Variants in GRM7 observed in about 807,000 individuals in gnomAD.
GRM7 encodes the protein glutamate metabotropic receptor 7.
In GRM7, 35 loss-of-function variants were observed where a neutral mutation model predicts 84.5. The ratio of observed to expected loss-of-function variants is 0.41; its 90% CI spans 0.32 to 0.55. The LOEUF (loss-of-function observed/expected upper bound fraction) is 0.55. Among genes scored for constraint, GRM7 ranks in the 20% least tolerant of loss-of-function variants. GRM7 has a pLI of 0.19. For synonymous variants in GRM7, 487 were observed against 455.1 expected (o/e 1.07, Z -0.89); for missense variants, 1,003 against 1,194.6 (o/e 0.84, Z 2.36).
intron 2 of GRM7, among the ~76,000 whole-genome samples, chr3:7,186,268 C>T (rs1230118837): frequency 1.3e-5 from 2 of 152,178 alleles, no homozygotes; most frequent in Non-Finnish European, 2.9e-5. Flanking sequence ...CCTGTATCAA[C>T]ATAAATTAAT....
chr3:7,505,295 C>T (rs1694808867), intron 7 of GRM7, among the ~76,000 whole-genome samples: 1 of 152,240 alleles, frequency 6.6e-6, no homozygotes, highest in African/African-American at 2.4e-5. Context: ...CAGACTGAGT[C>T]CCTTGCCTGC....
intron 8 of GRM7, among the ~76,000 whole-genome samples, chr3:7,611,063 T>C (rs1696825516): frequency 6.6e-6 from 1 of 152,194 alleles, no homozygotes; most frequent in African/African-American, 2.4e-5. Flanking sequence ...CCTTGTGTCT[T>C]ACCTCATGGA....
chr3:7,661,018 T>C (rs886656485), intron 8 of GRM7, among the ~76,000 whole-genome samples: 2 of 152,220 alleles, frequency 1.3e-5, no homozygotes, highest in Admixed American at 6.5e-5. Context: ...ACTTCCAGAA[T>C]AGAAGAAAAT....
At chr3:6,903,915 C>T (rs112913855) in intron 1 of GRM7, among the ~76,000 whole-genome samples, 4,705 of 152,076 alleles carry the variant, frequency 0.031, 107 homozygotes, top group Non-Finnish European at 0.045. Context: ...TTCTATTTTC[C>T]CATCTGTGAA....
intron 9 of GRM7, among the ~76,000 whole-genome samples, chr3:7,715,335 T>C (rs1025759557): frequency 6.6e-6 from 1 of 152,080 alleles, no homozygotes; most frequent in African/African-American, 2.4e-5. Context: ...TAGTCAGACA[T>C]GGTGACATGT....
chr3:6,955,094 T>C (rs1575063517), intron 1 of GRM7, among the ~76,000 whole-genome samples: 1 of 152,236 alleles, frequency 6.6e-6, no homozygotes, highest in Non-Finnish European at 1.5e-5. Context: ...TCATTTATAG[T>C]ATCTGTCACC....
At chr3:7,460,808 C>G (rs556574717) in intron 6 of GRM7, among the ~76,000 whole-genome samples, 9 of 152,310 alleles carry the variant, frequency 5.9e-5, no homozygotes, top group Non-Finnish European at 1.2e-4. Flanking sequence ...ACTCATCCAA[C>G]CATACACAGT....
chr3:7,112,746 T>C (rs745761075), intron 1 of GRM7, among the ~76,000 whole-genome samples: 1 of 152,174 alleles, frequency 6.6e-6, no homozygotes, highest in Non-Finnish European at 1.5e-5. Flanking sequence ...TGATGCCATG[T>C]GCCAAGCTGT....
chr3:7,110,078 A>T (rs1280612543), intron 1 of GRM7, among the ~76,000 whole-genome samples: 1 of 152,148 alleles, frequency 6.6e-6, no homozygotes, highest in East Asian at 1.9e-4. Flanking sequence ...TTTTGCCTCA[A>T]AATACAATTT....
intron 7 of GRM7, among the ~76,000 whole-genome samples, chr3:7,515,231 C>T (rs1340902494): frequency 7.0e-6 from 1 of 142,706 alleles, no homozygotes; most frequent in African/African-American, 2.5e-5. Flanking sequence ...AAAAAAAAGA[C>T]ATCAAATATT....
At chr3:6,989,856 C>T (rs1380962378) in intron 1 of GRM7, among the ~76,000 whole-genome samples, 2 of 152,176 alleles carry the variant, frequency 1.3e-5, no homozygotes, top group South Asian at 2.1e-4. Context: ...TATAATCTCC[C>T]GAGTGAAAGA....
At chr3:7,191,753 C>A (rs1422641393) in intron 2 of GRM7, among the ~76,000 whole-genome samples, 1 of 151,482 alleles carries the variant, frequency 6.6e-6, no homozygotes, top group African/African-American at 2.4e-5. Context: ...GTAAAGTGGA[C>A]TTTAATGGAC....
intron 1 of GRM7, among the ~76,000 whole-genome samples, chr3:7,077,017 G>A (rs1374515826): frequency 1.1e-4 from 17 of 152,044 alleles, no homozygotes; most frequent in African/African-American, 3.9e-4. Flanking sequence ...TCAAAACCAC[G>A]GTGAGATACC....
intron 1 of GRM7, among the ~76,000 whole-genome samples, chr3:6,886,139 A>G (rs1345172640): frequency 2.0e-5 from 3 of 151,868 alleles, no homozygotes; most frequent in African/African-American, 7.3e-5. Context: ...TGAGGACACT[A>G]AGATTTTCTC....
chr3:7,068,409 A>C (rs1697744599), intron 1 of GRM7, among the ~76,000 whole-genome samples: 1 of 152,044 alleles, frequency 6.6e-6, no homozygotes, highest in African/African-American at 2.4e-5. Context: ...TGCACCATCA[A>C]GTAATAGTTA....
At chr3:7,496,832 C>A (rs2124958560) in intron 7 of GRM7, among the ~76,000 whole-genome samples, 1 of 151,478 alleles carries the variant, frequency 6.6e-6, no homozygotes, top group South Asian at 2.1e-4. Context: ...CACACACACT[C>A]AGAAAGAGAC....
At chr3:7,175,057 AG>A (rs1462653416) in intron 2 of GRM7, among the ~76,000 whole-genome samples, 1 of 152,236 alleles carries the variant, frequency 6.6e-6, no homozygotes, top group East Asian at 1.9e-4. Context: ...AACTCCATTG[AG>A]GGCAATAGAA....
chr3:7,558,771 G>A (rs1025801344), intron 7 of GRM7, among the ~76,000 whole-genome samples: 1 of 152,104 alleles, frequency 6.6e-6, no homozygotes, highest in Non-Finnish European at 1.5e-5. Flanking sequence ...GCTAAGTCTT[G>A]TGAATATTGT....
At chr3:7,638,166 G>C (rs575997954) in intron 8 of GRM7, among the ~76,000 whole-genome samples, 1 of 151,768 alleles carries the variant, frequency 6.6e-6, no homozygotes, top group Admixed American at 6.6e-5. Flanking sequence ...TGAGGGGAGG[G>C]TAAGGTCAAG....
Sources: allele counts gnomAD v4.1 joint callset (sites outside exome capture counted in the v4.1 genomes callset), GRCh38; gene constraint gnomAD v4.1.1; transcripts MANE v1.5; gene names NCBI Gene and HGNC (gene_info 2026-07-23, HGNC 2026-07-21).